PLEKHB2: variants seen among roughly 807,000 people sequenced by gnomAD.
PLEKHB2 encodes the protein pleckstrin homology domain containing B2.
In PLEKHB2, 31 loss-of-function variants were observed where a neutral mutation model predicts 36.5. The observed-to-expected ratio is 0.85, with a 90% CI of 0.64 to 1.15. The LOEUF is 1.15. Ranked by LOEUF, PLEKHB2 falls within the 50% of genes most tolerant of loss-of-function variation. PLEKHB2 has a pLI of 0.00. For missense variants in PLEKHB2, 262 were observed against 295.3 expected, an observed-to-expected ratio of 0.89 and a Z score of 0.83; for synonymous variants, 119 against 112.0, an observed-to-expected ratio of 1.06 and a Z score of -0.39.
In PLEKHB2 at chr2:131,126,690, A is replaced by G; in HGVS notation, c.197A>G (p.Gln66Arg). 6.3e-7 allele frequency: 1 copy of G among 1,594,530 alleles called. No homozygotes were observed. Among genetic ancestry groups the G allele is most frequent in the Non-Finnish European group, 8.6e-7 (1 of 1,162,260 alleles). The change falls in exon 4 of 8, where the codon CAG becomes CGG. Residue 66 changes from glutamine (Q) to arginine (R), a missense_variant. Gln to Arg is a conservative substitution (Grantham distance 43). Coordinates refer to ENST00000693505, the MANE Select transcript of PLEKHB2 (RefSeq NM_001100623.2). Reference sequence around the variant, plus strand: ...TTCTGCTTATTTTTCATAGATACTCAGCCCCCGGATGGAAAGTCAAAAGAC... The same window carrying G: ...TTCTGCTTATTTTTCATAGATACTCGGCCCCCGGATGGAAAGTCAAAAGAC... ...IRTGQECRDT[Q>R]PPDGKSKDCM...
chr2:131,122,144 C>T (rs546436637), intron 2 of PLEKHB2, among the ~76,000 whole-genome samples: 140 of 152,230 alleles, frequency 9.2e-4, no homozygotes, highest in Non-Finnish European at 1.4e-3. Context: ...GTCTGCCCGC[C>T]TCGGCCTCCC....
chr2:131,127,960 G>C (rs1228867812), intron 4 of PLEKHB2, among the ~76,000 whole-genome samples: 1 of 152,162 alleles, frequency 6.6e-6, no homozygotes, highest in Non-Finnish European at 1.5e-5. Flanking sequence ...ACAGGAGTTG[G>C]GTAATTTTCT....
At chr2:131,137,346 G>A (rs1437325586) in intron 6 of PLEKHB2, among the ~76,000 whole-genome samples, 3 of 152,222 alleles carry the variant, frequency 2.0e-5, no homozygotes, top group African/African-American at 7.2e-5. Context: ...TGGTTCTCCT[G>A]AGGCCCCTCC....
intron 7 of PLEKHB2, among the ~76,000 whole-genome samples, chr2:131,143,774 C>T (rs1233430879): frequency 6.6e-6 from 1 of 152,206 alleles, no homozygotes; most frequent in Non-Finnish European, 1.5e-5. Flanking sequence ...CCTAGCCTTG[C>T]CACATGAGAG....
chr2:131,132,220 AAAAC>A (rs1697774316), intron 5 of PLEKHB2, among the ~76,000 whole-genome samples: 1 of 152,148 alleles, frequency 6.6e-6, no homozygotes, highest in African/African-American at 2.4e-5. Context: ...TTTAAGGTAA[AAAAC>A]AGACTTATGT....
rs181518869 is a variant in PLEKHB2, at chr2:131,115,774, A to G, written c.-8-5160A>G. 5.3e-5 allele frequency among the ~76,000 whole-genome samples: 8 copies of G among 152,310 alleles called. No homozygotes were observed. The East Asian group carries it at 1.5e-3, about 29-fold the overall frequency. On this transcript the variant is annotated intron_variant, in intron 1 of 7. Transcript: ENST00000693505. ...GACTGTAATTTTTACTTTGAATTTT[A>G]CACTTGTGTCACAATTTAGCCATTA...
intron 1 of PLEKHB2, among the ~76,000 whole-genome samples, chr2:131,117,140 A>G (rs1472735245): frequency 2.0e-5 from 3 of 151,580 alleles, no homozygotes. Context: ...TAGCAAATGT[A>G]GCCAAATTAA....
At chr2:131,110,254 A>G (rs1362048179) in intron 1 of PLEKHB2, among the ~76,000 whole-genome samples, 1 of 151,926 alleles carries the variant, frequency 6.6e-6, no homozygotes, top group Non-Finnish European at 1.5e-5. Flanking sequence ...AAAAACTTGT[A>G]GGAAATTTGT....
chr2:131,132,904 G>GT lies in PLEKHB2; in HGVS notation c.337dup (p.Tyr113LeufsTer10). The GT allele has an allele frequency of 6.3e-7, 1 of 1,597,064 alleles. No homozygotes were observed. Among genetic ancestry groups the GT allele is most frequent in the South Asian group, 1.1e-5 (1 of 90,708 alleles). On this transcript the variant is annotated frameshift_variant, in exon 6 of 8. Coordinates refer to ENST00000693505, the MANE Select transcript of PLEKHB2 (RefSeq NM_001100623.2). LOFTEE classifies it high-confidence loss of function. Reference sequence around the variant, plus strand: ...TCACCCTCTCCTGTCTCCCGCAGGCGTATGTGGGCTCTGCAGTCATGACCG... The same window carrying GT: ...TCACCCTCTCCTGTCTCCCGCAGGCGTTATGTGGGCTCTGCAGTCATGACCG...
In PLEKHB2 at chr2:131,135,078, CT is replaced by C. The variant is rs113737822; in HGVS notation, c.423+2097del. The stretch of plus-strand genomic sequence containing the variant: ...TGATCTTGCAGCTTGTAAACTTTCT[CT>C]TTTTTTTTTGAGACAGAGTGTCTCT... On this transcript the variant is annotated intron_variant, in intron 6 of 7. Coordinates refer to ENST00000693505, the MANE Select transcript of PLEKHB2 (RefSeq NM_001100623.2). Among the ~76,000 whole-genome samples, 102 of 148,588 alleles carry C rather than the reference CT, an allele frequency of 6.9e-4. 1 individual carries two copies. The highest frequency in any genetic ancestry group is 2.4e-3 in the Admixed American group (35 of 14,820).
chr2:131,132,482 A>G (rs1171423546), intron 5 of PLEKHB2, among the ~76,000 whole-genome samples: 2 of 151,882 alleles, frequency 1.3e-5, no homozygotes, highest in East Asian at 1.9e-4. Context: ...TGTTTTTTGT[A>G]GAGATGAGCT....
At chr2:131,124,170 G>T (rs538214771) in intron 2 of PLEKHB2, among the ~76,000 whole-genome samples, 1 of 151,908 alleles carries the variant, frequency 6.6e-6, no homozygotes, top group Non-Finnish European at 1.5e-5. Flanking sequence ...GCACAGCTCA[G>T]GTAGTCAAGT....
intron 6 of PLEKHB2, among the ~76,000 whole-genome samples, chr2:131,137,278 C>T (rs949035739): frequency 2.0e-5 from 3 of 152,178 alleles, no homozygotes; most frequent in Non-Finnish European, 4.4e-5. Context: ...AACCAACACA[C>T]ATCTATTTGT....
intron 7 of PLEKHB2, among the ~76,000 whole-genome samples, chr2:131,142,792 G>T (rs1025075552): frequency 1.3e-5 from 2 of 152,070 alleles, no homozygotes; most frequent in East Asian, 3.9e-4. Flanking sequence ...ATGACCTCAG[G>T]TGATCCATCT....
intron 4 of PLEKHB2, chr2:131,127,209 T>A (rs1229420280): frequency 5.8e-6 from 1 of 171,122 alleles, no homozygotes; most frequent in East Asian, 1.7e-4. Flanking sequence ...GCTGGAAGTC[T>A]GGAATCAGTG....
intron 4 of PLEKHB2, among the ~76,000 whole-genome samples, chr2:131,128,138 G>A (rs1697282752): frequency 6.6e-6 from 1 of 152,202 alleles, no homozygotes; most frequent in African/African-American, 2.4e-5. Context: ...GTAACACCTA[G>A]CCATCAAACT....
intron 2 of PLEKHB2, among the ~76,000 whole-genome samples, chr2:131,123,642 A>C (rs1696754300): frequency 6.6e-6 from 1 of 152,064 alleles, no homozygotes; most frequent in African/African-American, 2.4e-5. Context: ...TTCCTGCTTC[A>C]GCCTCCTGAG....
chr2:131,143,830 G>A (rs560246122), intron 7 of PLEKHB2, among the ~76,000 whole-genome samples: 7 of 152,302 alleles, frequency 4.6e-5, no homozygotes, highest in East Asian at 1.9e-4. Flanking sequence ...GGCTGTTGCC[G>A]CTGTTTCTTA....
At chr2:131,118,654 A>T (rs1204125729) in intron 1 of PLEKHB2, among the ~76,000 whole-genome samples, 1 of 151,244 alleles carries the variant, frequency 6.6e-6, no homozygotes, top group Non-Finnish European at 1.5e-5. Context: ...TCACGAGGTC[A>T]GGAGATCGAG....
Sources: gnomAD v4.1 joint callset for allele counts (sites outside exome capture counted in the v4.1 genomes callset) on GRCh38, gnomAD v4.1.1 for gene constraint, MANE v1.5 for transcripts, NCBI Gene and HGNC (gene_info 2026-07-23, HGNC 2026-07-21) for gene names.